The following RMDN2 variants were observed in gnomAD, a reference collection of about 807,000 sequenced individuals.
The protein encoded by RMDN2 is regulator of microtubule dynamics 2, also known as regulator of microtubule dynamics protein 2.
In RMDN2, 61 loss-of-function variants were observed where a neutral mutation model predicts 52.8. That is an observed-to-expected ratio of 1.16 (90% confidence interval 0.94 to 1.43). RMDN2 has a LOEUF of 1.43. RMDN2 is among the 40% of genes most tolerant of loss of function. The pLI is 0.00. For missense variants in RMDN2, 592 were observed against 475.3 expected (o/e 1.25, Z -2.28); for synonymous variants, 180 against 153.1 (o/e 1.18, Z -1.30).
Position 37,981,361 on chromosome 2 carries a change from A to G in RMDN2, c.791+18A>G, listed in dbSNP as rs762390354. 1.3e-6 allele frequency: 2 copies of G among 1,548,128 alleles called. No individual in the cohort carries two copies. The highest frequency in any genetic ancestry group is 3.4e-5 in the Admixed American group (2 of 58,230). On this transcript the variant is annotated intron_variant, in intron 5 of 10. Coordinates refer to ENST00000354545, the MANE Select transcript of RMDN2 (RefSeq NM_001170791.3). ...CATCTGTGGTAAGTGTATAGGATTTATGCAGTCTTTTAAATTCTAACCTGC... is the reference window on the plus strand; with the variant it reads ...CATCTGTGGTAAGTGTATAGGATTTGTGCAGTCTTTTAAATTCTAACCTGC...
chr2:37,925,083 G>A (rs1666157766), upstream of RMDN2, among the ~76,000 whole-genome samples: 1 of 152,230 alleles, frequency 6.6e-6, no homozygotes. Flanking sequence ...CCCAGGCGGG[G>A]GAAAAGGTGC....
rs543738561 is a variant in RMDN2, at chr2:38,017,572, A to G, written c.*333A>G. The G allele has an allele frequency of 1.1e-5, 14 of 1,228,912 alleles. No homozygotes were observed. The highest frequency in any genetic ancestry group is 2.2e-4 in the Middle Eastern group (1 of 4,512). 76.1% of individuals were successfully genotyped at this position (1,228,912 alleles called of 1,614,324 possible). ...TTCTCATGAATATTTTATTGTTTCA[A>G]TGGAGACTTCGTAAGACAAAATAAT... On this transcript the variant is annotated 3_prime_UTR_variant, in exon 11 of 11. Coordinates refer to ENST00000354545, the MANE Select transcript of RMDN2 (RefSeq NM_001170791.3).
At chr2:37,942,306 G>A (rs1667864114) in intron 2 of RMDN2, among the ~76,000 whole-genome samples, 1 of 152,120 alleles carries the variant, frequency 6.6e-6, no homozygotes, top group African/African-American at 2.4e-5. Context: ...TTCTGCGTTG[G>A]TCTTGCTGGA....
In RMDN2 at chr2:37,989,619, A is replaced by G. The variant is rs1281772708; in HGVS notation, c.867+3A>G. The G allele has an allele frequency of 3.9e-6, 6 of 1,555,962 alleles. No homozygotes were observed. The highest frequency in any genetic ancestry group is 4.4e-6 in the Non-Finnish European group (5 of 1,142,020). ...TCAACTATGGGCACCTCTTCAAGGT[A>G]TTTCTTTTTTTTTTTTCATATTTCT... On this transcript the variant is annotated splice_donor_region_variant and intron_variant, in intron 6 of 10. Coordinates refer to ENST00000354545, the MANE Select transcript of RMDN2 (RefSeq NM_001170791.3).
chr2:38,056,560 T>C (rs1297525023), intron 10 of RMDN2, among the ~76,000 whole-genome samples: 1 of 152,246 alleles, frequency 6.6e-6, no homozygotes, highest in African/African-American at 2.4e-5. Context: ...CTGGATGATC[T>C]GAATGTATAT....
chr2:37,951,693 G>C (rs754018418), intron 2 of RMDN2: 1 of 1,612,440 alleles, frequency 6.2e-7, no homozygotes, highest in Non-Finnish European at 8.5e-7. Flanking sequence ...AAATGAAATC[G>C]AAATCTTTTC....
At chr2:38,056,618 T>C (rs535084074) in intron 10 of RMDN2, among the ~76,000 whole-genome samples, 1 of 152,348 alleles carries the variant, frequency 6.6e-6, no homozygotes, top group African/African-American at 2.4e-5. Flanking sequence ...TAAGAACATA[T>C]AATAATTCTC....
At chr2:38,011,665 A>G (rs538045370) in intron 10 of RMDN2, among the ~76,000 whole-genome samples, 1 of 152,348 alleles carries the variant, frequency 6.6e-6, no homozygotes, top group South Asian at 2.1e-4. Context: ...TAAGAGAAGT[A>G]CAAATCATCA....
intron 2 of RMDN2, chr2:37,951,270 C>T (rs765216607): frequency 1.9e-6 from 3 of 1,604,402 alleles, no homozygotes; most frequent in Non-Finnish European, 2.5e-6. Context: ...ACGATGTTCT[C>T]CAGAAGATCA....
intron 10 of RMDN2, among the ~76,000 whole-genome samples, chr2:38,005,550 T>C (rs542581870): frequency 0.032 from 4,926 of 152,068 alleles, 133 homozygotes; most frequent in African/African-American, 0.11. Flanking sequence ...GATGGGGTTG[T>C]TTGTTTTTTT....
chr2:37,940,635 A>G (rs536836023), intron 2 of RMDN2, among the ~76,000 whole-genome samples: 1 of 151,676 alleles, frequency 6.6e-6, no homozygotes, highest in South Asian at 2.1e-4. Context: ...CGTTAAGTTG[A>G]TCTTCAATCT....
At chr2:37,952,212 A>G in intron 2 of RMDN2, 1 of 1,612,510 alleles carries the variant, frequency 6.2e-7, no homozygotes, top group East Asian at 2.2e-5. Flanking sequence ...GTCACCTCAG[A>G]CTTTACCCTC....
chr2:37,929,237 T>G, intron 1 of RMDN2, 25 bp from the exon 2 acceptor site: 1 of 1,316,642 alleles, frequency 7.6e-7, no homozygotes, highest in Non-Finnish European at 1.0e-6. Context: ...ACAACATTCA[T>G]TTACATTTAT....
chr2:37,941,722 A>G (rs1667804400), intron 2 of RMDN2, among the ~76,000 whole-genome samples: 1 of 152,148 alleles, frequency 6.6e-6, no homozygotes, highest in Non-Finnish European at 1.5e-5. Context: ...CTCACGCCTC[A>G]GTAATGGTGG....
chr2:37,978,508 G>A (rs972012818), intron 4 of RMDN2, among the ~76,000 whole-genome samples: 1 of 152,066 alleles, frequency 6.6e-6, no homozygotes, highest in Non-Finnish European at 1.5e-5. Context: ...ATACAAAAAC[G>A]AATGGAAATA....
intron 2 of RMDN2, among the ~76,000 whole-genome samples, chr2:37,964,861 T>C (rs1670822926): frequency 6.6e-6 from 1 of 152,222 alleles, no homozygotes; most frequent in South Asian, 2.1e-4. Context: ...TTTACTATTA[T>C]TGTGTTGCTA....
chr2:37,979,343 T>G (rs75455339), intron 4 of RMDN2, among the ~76,000 whole-genome samples: 8,910 of 152,162 alleles, frequency 0.059, 342 homozygotes, highest in East Asian at 0.11. Flanking sequence ...ATTCAGTGTA[T>G]AAGGAGTAAG....
At chr2:37,941,574 C>G (rs1362773345) in intron 2 of RMDN2, among the ~76,000 whole-genome samples, 1 of 152,220 alleles carries the variant, frequency 6.6e-6, no homozygotes, top group African/African-American at 2.4e-5. Flanking sequence ...TACCGCCTGT[C>G]TTTCAGGGAT....
At chr2:38,043,280 C>G (rs369613459) in intron 10 of RMDN2, among the ~76,000 whole-genome samples, 2 of 152,120 alleles carry the variant, frequency 1.3e-5, no homozygotes, top group Non-Finnish European at 2.9e-5. Context: ...TTCTTAGTCT[C>G]AAATCTGCTT....
Sources: gnomAD v4.1 joint callset for allele counts (sites outside exome capture counted in the v4.1 genomes callset) on GRCh38, gnomAD v4.1.1 for gene constraint, MANE v1.5 for transcripts, NCBI Gene and HGNC (gene_info 2026-07-23, HGNC 2026-07-21) for gene names.